CNTN1: variants seen among roughly 807,000 people sequenced by gnomAD.
CNTN1 encodes contactin 1, also known as contactin-1.
A neutral mutation model predicts 126.4 loss-of-function variants in CNTN1; 38 were observed. That is an observed-to-expected ratio of 0.30 (90% CI 0.23 to 0.39). The LOEUF (loss-of-function observed/expected upper bound fraction) is 0.39. CNTN1 is among the 10% of genes least tolerant of loss of function. The probability of loss-of-function intolerance (pLI) is 1.00; values close to 1 mark genes in which losing one functional copy is unlikely to be tolerated. For synonymous variants in CNTN1, 413 were observed against 422.6 expected (o/e 0.98, Z 0.28); for missense variants, 1,009 against 1,248.4 (o/e 0.81, Z 2.89).
chr12:41,020,243 A>G, intron 19 of CNTN1, 94 bp from the exon 20 acceptor site: 1 of 734,596 alleles, frequency 1.4e-6, no homozygotes, highest in South Asian at 1.9e-5. Flanking sequence ...AAATTAAAGT[A>G]TGGTCCAACA....
At chr12:40,958,400 T>TAC in intron 14 of CNTN1, among the ~76,000 whole-genome samples, 1 of 151,462 alleles carries the variant, frequency 6.6e-6, no homozygotes. Context: ...TGTATGTATA[T>TAC]ACTTGCACAG....
rs1423109185 is a variant in CNTN1 at position 40,918,761 on chromosome 12, C to G, written c.217C>G (p.Pro73Ala). ...LNCRARASPFPVYKWRMNNGD... is the reference protein window; with the variant it reads ...LNCRARASPFAVYKWRMNNGD... ...CTGTAGGGCACGAGCCAGCCCTTTCCCGGTTTACAAGTAATGTACCTCGCT... is the reference window on the plus strand; with the variant it reads ...CTGTAGGGCACGAGCCAGCCCTTTCGCGGTTTACAAGTAATGTACCTCGCT... Residue 73 changes from proline to alanine, a missense_variant, in exon 4 of 24, where the codon CCG becomes GCG. Pro to Ala is a conservative substitution (Grantham distance 27, BLOSUM62 -1). Transcript: ENST00000551295. 6.2e-7 allele frequency: 1 copy of G among 1,613,604 alleles called. No individual in the cohort carries two copies. The highest frequency in any genetic ancestry group is 2.2e-5 in the East Asian group (1 of 44,862).
chr12:41,001,840 A>G (rs1032283163), intron 17 of CNTN1, among the ~76,000 whole-genome samples: 6 of 152,330 alleles, frequency 3.9e-5, no homozygotes, highest in South Asian at 4.1e-4. Flanking sequence ...TCTTCTGCAT[A>G]TGGCTTGCCA....
intron 1 of CNTN1, among the ~76,000 whole-genome samples, chr12:40,857,497 A>G (rs1163510943): frequency 6.6e-6 from 1 of 152,054 alleles, no homozygotes; most frequent in Non-Finnish European, 1.5e-5. Context: ...GGTTAGAAAC[A>G]TTTATACCTT....
intron 15 of CNTN1, chr12:40,971,380 G>C: frequency 6.8e-7 from 1 of 1,474,456 alleles, no homozygotes. Context: ...ATGGCTTCCT[G>C]CCCCTAATTG....
chr12:40,929,421 A>C (rs951195773), intron 6 of CNTN1, among the ~76,000 whole-genome samples: 4 of 152,026 alleles, frequency 2.6e-5, no homozygotes, highest in Admixed American at 1.3e-4. Flanking sequence ...GCAGTTTGGC[A>C]GATTAATCAT....
intron 17 of CNTN1, among the ~76,000 whole-genome samples, chr12:41,008,494 C>T (rs1292293177): frequency 6.6e-6 from 1 of 152,124 alleles, no homozygotes; most frequent in Admixed American, 6.5e-5. Flanking sequence ...TTTTAACTTG[C>T]AATATGATTG....
chr12:40,782,900 G>C (rs1281442346), intron 1 of CNTN1, among the ~76,000 whole-genome samples: 1 of 151,946 alleles, frequency 6.6e-6, no homozygotes, highest in African/African-American at 2.4e-5. Context: ...AGCAATAGAG[G>C]AAGGGTGTGC....
intron 3 of CNTN1, among the ~76,000 whole-genome samples, chr12:40,917,908 A>T (rs1479578140): frequency 6.6e-6 from 1 of 152,160 alleles, no homozygotes; most frequent in African/African-American, 2.4e-5. Context: ...TTATTGATTG[A>T]TTGTTCTAGA....
chr12:40,862,537 A>C (rs190389812), intron 1 of CNTN1, among the ~76,000 whole-genome samples: 1 of 152,122 alleles, frequency 6.6e-6, no homozygotes, highest in Admixed American at 6.6e-5. Flanking sequence ...TGGCTTTACA[A>C]CTTCAGGTCT....
chr12:40,738,681 G>T (rs975862060), intron 1 of CNTN1, among the ~76,000 whole-genome samples: 1 of 151,946 alleles, frequency 6.6e-6, no homozygotes, highest in South Asian at 2.1e-4. Context: ...TTGTGAACAG[G>T]CATATCAGAG....
At chr12:41,037,874 T>C (rs1949301591) in intron 23 of CNTN1, among the ~76,000 whole-genome samples, 1 of 152,130 alleles carries the variant, frequency 6.6e-6, no homozygotes, top group African/African-American at 2.4e-5. Context: ...ATTATGTTTT[T>C]AGGCCAGACA....
intron 1 of CNTN1, among the ~76,000 whole-genome samples, chr12:40,780,385 G>T (rs899785474): frequency 9.9e-5 from 15 of 151,876 alleles, no homozygotes; most frequent in South Asian, 2.1e-4. Flanking sequence ...CAAAATATTC[G>T]AGAAGAAAAT....
chr12:40,953,863 G>A (rs1946772434), intron 14 of CNTN1, among the ~76,000 whole-genome samples: 1 of 151,876 alleles, frequency 6.6e-6, no homozygotes. Context: ...AGAGTTTAGG[G>A]AAAAAAGATA....
intron 1 of CNTN1, among the ~76,000 whole-genome samples, chr12:40,745,749 G>C (rs1938155414): frequency 1.3e-5 from 2 of 152,138 alleles, no homozygotes; most frequent in Admixed American, 6.6e-5. Flanking sequence ...AGACAACTTT[G>C]CAGGGCTATT....
chr12:40,812,113 T>C (rs1941088009), intron 1 of CNTN1, among the ~76,000 whole-genome samples: 1 of 152,104 alleles, frequency 6.6e-6, no homozygotes, highest in South Asian at 2.1e-4. Flanking sequence ...TGTCTTAAGA[T>C]ATTTTCAAAG....
At chr12:41,016,595 G>C in intron 18 of CNTN1, 87 bp from the exon 19 acceptor site, 1 of 824,996 alleles carries the variant, frequency 1.2e-6, no homozygotes, top group Middle Eastern at 2.7e-4. Flanking sequence ...CAAAGAGCAC[G>C]CCTCCGTGTG....
At chr12:40,829,152 A>T (rs562390223) in intron 1 of CNTN1, among the ~76,000 whole-genome samples, 14 of 152,128 alleles carry the variant, frequency 9.2e-5, no homozygotes, top group Non-Finnish European at 1.9e-4. Context: ...ATTCCTGAAC[A>T]TTTCTTTAGG....
At chr12:40,713,060 G>A (rs1048905624) in intron 1 of CNTN1, among the ~76,000 whole-genome samples, 10 of 152,028 alleles carry the variant, frequency 6.6e-5, no homozygotes, top group Non-Finnish European at 1.2e-4. Flanking sequence ...AAAGAAAAGA[G>A]GTTTATTTGG....
Sources: gnomAD v4.1 joint callset for allele counts (sites outside exome capture counted in the v4.1 genomes callset) on GRCh38, gnomAD v4.1.1 for gene constraint, MANE v1.5 for transcripts, NCBI Gene and HGNC (gene_info 2026-07-23, HGNC 2026-07-21) for gene names.